Variants in AGBL1 observed in about 807,000 individuals in gnomAD.
The protein encoded by AGBL1 is AGBL carboxypeptidase 1, also known as cytosolic carboxypeptidase 4.
A neutral mutation model predicts 118.9 loss-of-function variants in AGBL1; 130 were observed. The observed-to-expected ratio is 1.09, with a 90% CI of 0.95 to 1.26. The LOEUF is 1.26. Ranked by LOEUF, AGBL1 falls within the 50% of genes most tolerant of loss-of-function variation. The pLI is 0.00. For missense variants in AGBL1, 1,584 were observed against 1,298.1 expected, an observed-to-expected ratio of 1.22 and a Z score of -3.38; for synonymous variants, 555 against 478.9, an observed-to-expected ratio of 1.16 and a Z score of -2.08.
At chr15:86,095,362 A>T (rs1443684881) in intron 1 of AGBL1, among the ~76,000 whole-genome samples, 3 of 152,122 alleles carry the variant, frequency 2.0e-5, no homozygotes, top group African/African-American at 7.2e-5. Context: ...CCAACCCTCC[A>T]ACTATGTCTT....
chr15:86,581,089 A>C (rs11629905), intron 21 of AGBL1, among the ~76,000 whole-genome samples: 29,794 of 152,084 alleles, frequency 0.2, 3,072 homozygotes, highest in East Asian at 0.28. Context: ...TACTAAGTCA[A>C]AGTGTTGGAG....
intron 6 of AGBL1, among the ~76,000 whole-genome samples, chr15:86,243,465 G>C (rs1053971293): frequency 6.6e-6 from 1 of 152,172 alleles, no homozygotes; most frequent in Non-Finnish European, 1.5e-5. Flanking sequence ...AGAAATAGTA[G>C]AATATAGAAG....
chr15:86,678,278 A>G (rs926389278), intron 22 of AGBL1, among the ~76,000 whole-genome samples: 1 of 152,136 alleles, frequency 6.6e-6, no homozygotes, highest in Non-Finnish European at 1.5e-5. Context: ...GTACTCTCAA[A>G]AACAATGTGC....
At chr15:87,018,283 C>A (rs999852518) in intron 24 of AGBL1, among the ~76,000 whole-genome samples, 4 of 151,950 alleles carry the variant, frequency 2.6e-5, no homozygotes, top group Admixed American at 6.6e-5. Context: ...AAGATGCTCC[C>A]CCAGAAGATC....
chr15:86,396,507 A>C (rs574450388), intron 17 of AGBL1, among the ~76,000 whole-genome samples: 3 of 152,136 alleles, frequency 2.0e-5, no homozygotes, highest in African/African-American at 4.8e-5. Flanking sequence ...TTGTAACTCC[A>C]AGATTGAGCT....
chr15:86,245,083 C>A (rs1198432561), intron 6 of AGBL1, among the ~76,000 whole-genome samples: 1 of 152,028 alleles, frequency 6.6e-6, no homozygotes, highest in Non-Finnish European at 1.5e-5. Context: ...AAAAAACAAA[C>A]AAACAAACAC....
chr15:86,431,624 A>G (rs2081936876), intron 18 of AGBL1, among the ~76,000 whole-genome samples: 1 of 152,200 alleles, frequency 6.6e-6, no homozygotes, highest in Non-Finnish European at 1.5e-5. Flanking sequence ...CTTTTATTTT[A>G]CTTTTTGTTA....
At chr15:86,403,437 A>G (rs1596072140) in intron 18 of AGBL1, among the ~76,000 whole-genome samples, 1 of 152,316 alleles carries the variant, frequency 6.6e-6, no homozygotes, top group South Asian at 2.1e-4. Flanking sequence ...AATGCACTAG[A>G]GGAAACAAAT....
intron 5 of AGBL1, among the ~76,000 whole-genome samples, chr15:86,173,025 C>G (rs780476339): frequency 7.3e-5 from 11 of 151,710 alleles, no homozygotes; most frequent in Non-Finnish European, 1.6e-4. Context: ...ATTTTTTTGT[C>G]TTTTTGATAA....
At chr15:86,853,624 C>G (rs1329496565) in intron 22 of AGBL1, among the ~76,000 whole-genome samples, 2 of 152,196 alleles carry the variant, frequency 1.3e-5, no homozygotes, top group African/African-American at 4.8e-5. Context: ...TTTTTCAGAG[C>G]TGTATTGAAA....
At chr15:86,861,813 A>G (rs561919265) in intron 22 of AGBL1, among the ~76,000 whole-genome samples, 41 of 152,314 alleles carry the variant, frequency 2.7e-4, no homozygotes, top group Non-Finnish European at 3.7e-4. Flanking sequence ...ATTTGTATTC[A>G]TGGGTTAATT....
intron 23 of AGBL1, among the ~76,000 whole-genome samples, chr15:86,978,269 G>A (rs906521260): frequency 6.6e-6 from 1 of 152,164 alleles, no homozygotes; most frequent in African/African-American, 2.4e-5. Context: ...GAGAATGAAA[G>A]TAGATCTTCT....
chr15:86,982,085 C>T (rs998860), intron 23 of AGBL1, among the ~76,000 whole-genome samples: 20,831 of 152,104 alleles, frequency 0.14, 1,465 homozygotes, highest in African/African-American at 0.15. Context: ...ATGAAGGCCC[C>T]AGGTACCTCA....
intron 19 of AGBL1, among the ~76,000 whole-genome samples, chr15:86,531,971 A>G (rs988287919): frequency 1.3e-5 from 2 of 151,636 alleles, no homozygotes; most frequent in African/African-American, 4.9e-5. Context: ...CAAAATAATA[A>G]GAGCTATCTA....
intron 21 of AGBL1, among the ~76,000 whole-genome samples, chr15:86,665,204 T>C (rs1373601446): frequency 6.6e-6 from 1 of 152,226 alleles, no homozygotes; most frequent in Non-Finnish European, 1.5e-5. Context: ...TGACTAGTAA[T>C]AGACTGGTGC....
At chr15:86,776,028 C>T (rs2078250705) in intron 22 of AGBL1, among the ~76,000 whole-genome samples, 1 of 152,098 alleles carries the variant, frequency 6.6e-6, no homozygotes, top group South Asian at 2.1e-4. Context: ...TTTAGCAATC[C>T]AACCTAAATT....
intron 22 of AGBL1, among the ~76,000 whole-genome samples, chr15:86,809,206 C>G (rs1242589489): frequency 1.3e-5 from 2 of 152,106 alleles, no homozygotes; most frequent in African/African-American, 4.8e-5. Context: ...GTGATTCATT[C>G]TAATTTGAAT....
intron 21 of AGBL1, among the ~76,000 whole-genome samples, chr15:86,643,035 C>A (rs754737399): frequency 5.9e-5 from 9 of 152,114 alleles, no homozygotes; most frequent in Non-Finnish European, 1.2e-4. Flanking sequence ...CTTTTTACAT[C>A]TCAATTCTGA....
chr15:86,437,031 A>G (rs938500065), intron 18 of AGBL1, among the ~76,000 whole-genome samples: 1 of 152,012 alleles, frequency 6.6e-6, no homozygotes, highest in African/African-American at 2.4e-5. Flanking sequence ...AATGACTCCA[A>G]ATTTCTTGGG....
Sources: allele counts gnomAD v4.1 joint callset (sites outside exome capture counted in the v4.1 genomes callset), GRCh38; gene constraint gnomAD v4.1.1; transcripts MANE v1.5; gene names NCBI Gene and HGNC (gene_info 2026-07-23, HGNC 2026-07-21).